The following SIGLEC9 variants were observed in gnomAD, a reference collection of about 807,000 sequenced individuals.
SIGLEC9 encodes the protein sialic acid-binding Ig-like lectin 9.
A neutral mutation model predicts 38.3 loss-of-function variants in SIGLEC9; 26 were observed. The observed-to-expected ratio is 0.68, with a 90% confidence interval of 0.50 to 0.94. SIGLEC9 has a LOEUF of 0.94. Ranked by LOEUF, SIGLEC9 falls within the 40% of genes least tolerant of loss-of-function variation. The probability of loss-of-function intolerance (pLI) is 0.00; values close to 1 mark genes in which losing one functional copy is unlikely to be tolerated. For missense variants in SIGLEC9, 556 were observed against 585.7 expected, an observed-to-expected ratio of 0.95 and a Z score of 0.52; for synonymous variants, 236 against 248.0, an observed-to-expected ratio of 0.95 and a Z score of 0.45.
chr19:51,124,098 A>G (rs1188428471), upstream of SIGLEC9, among the ~76,000 whole-genome samples: 1 of 151,814 alleles, frequency 6.6e-6, no homozygotes, highest in Non-Finnish European at 1.5e-5. Flanking sequence ...TGGTGAAGAA[A>G]CCCTTCGTGG....
chr19:51,128,005 C>T lies in SIGLEC9; in HGVS notation c.1072C>T (p.Leu358=), dbSNP rs1347250571. 6.2e-6 allele frequency: 10 copies of T among 1,614,068 alleles called. No individual in the cohort carries two copies. The highest frequency in any genetic ancestry group is 8.5e-6 in the Non-Finnish European group (10 of 1,179,920). ...GVVGGAGATA[L]VFLSFCVIFV... ...GGTCGGGGGAGCTGGAGCCACAGCC[C>T]TGGTCTTCCTGTCCTTCTGCGTCAT... is the stretch of plus-strand genomic sequence containing the variant. Residue 358 remains leucine (L), a synonymous_variant, in exon 5 of 7, where the codon CTG becomes TTG. Coordinates refer to ENST00000250360, the MANE Select transcript of SIGLEC9 (RefSeq NM_014441.3).
chr19:51,121,000 A>G (rs1178905911), upstream of SIGLEC9, among the ~76,000 whole-genome samples: 1 of 151,880 alleles, frequency 6.6e-6, no homozygotes, highest in Non-Finnish European at 1.5e-5. The surrounding 1 kb of genome is among the most constrained non-coding windows in gnomAD (Gnocchi z 4.1). Flanking sequence ...TGGCACCACC[A>G]TGTCCAGCTA....
chr19:51,125,884 T>C lies in SIGLEC9; in HGVS notation c.700+9T>C, dbSNP rs200321221. The C allele has an allele frequency of 3.7e-3, 6,005 of 1,614,008 alleles. 12 individuals carry two copies. The highest frequency in any genetic ancestry group is 4.7e-3 in the Non-Finnish European group (5,565 of 1,179,956). On this transcript the variant is annotated intron_variant, in intron 2 of 6. Coordinates refer to ENST00000250360, the MANE Select transcript of SIGLEC9 (RefSeq NM_014441.3). ...CCATCTCAACGTGTCCTGTGAGTGC[T>C]GGGCCGGGACGCCTGGGTCCCTGAT...
chr19:51,129,222 G>T (rs2091999825), intron 6 of SIGLEC9, among the ~76,000 whole-genome samples: 1 of 149,592 alleles, frequency 6.7e-6, no homozygotes, highest in South Asian at 2.1e-4. Flanking sequence ...GCAGTGGTGC[G>T]ATCTCTGCTC....
At chr19:51,121,873 C>A (rs545531762), upstream of SIGLEC9, among the ~76,000 whole-genome samples, 9 of 152,192 alleles carry the variant, frequency 5.9e-5, no homozygotes, top group Admixed American at 1.3e-4. Flanking sequence ...CAGATCTGAG[C>A]CGCCGCACCC....
At position 51,125,822 on chromosome 19, in the gene SIGLEC9, C is replaced by A; in HGVS notation, c.647C>A (p.Thr216Asn). ...DHGTSLTCQV[T>N]FPGASVTTNK... The stretch of plus-strand genomic sequence containing the variant: ...GGCACCAGCCTCACCTGTCAGGTGA[C>A]CTTCCCTGGGGCCAGCGTGACCACG... The change falls in exon 2 of 7, where the codon ACC becomes AAC. Residue 216 changes from threonine to asparagine, a missense_variant. Physicochemically the swap from Thr to Asn is moderately conservative, Grantham distance 65 (BLOSUM62 0). Transcript: ENST00000250360. The A allele has an allele frequency of 6.2e-7, 1 of 1,614,178 alleles. No homozygotes were observed. The highest frequency in any genetic ancestry group is 8.5e-7 in the Non-Finnish European group (1 of 1,180,024).
At chr19:51,123,255 G>T (rs60265195), upstream of SIGLEC9, among the ~76,000 whole-genome samples, 8 of 152,284 alleles carry the variant, frequency 5.3e-5, no homozygotes, top group Admixed American at 3.3e-4. Flanking sequence ...ATTGTTCCCC[G>T]AGTTCCAGGT....
At chr19:51,122,786 C>T (rs2091952541), upstream of SIGLEC9, 1 of 152,498 alleles carries the variant, frequency 6.6e-6, no homozygotes, top group Non-Finnish European at 1.5e-5. This position sits in a 1 kb window ranked among gnomAD's most constrained non-coding sequence, Gnocchi z 4.1. Context: ...GACAGCACCC[C>T]ACCTCCCAAC....
upstream of SIGLEC9, chr19:51,124,838 C>G (rs1568609908): frequency 4.4e-6 from 5 of 1,132,562 alleles, no homozygotes; most frequent in Non-Finnish European, 6.1e-6. Context: ...AAAGTTCCTC[C>G]TCTGAGGAGG....
At chr19:51,127,317 G>C (rs765517350) in intron 4 of SIGLEC9, 21 bp downstream of exon 4, 14 of 1,589,598 alleles carry the variant, frequency 8.8e-6, no homozygotes, top group South Asian at 1.1e-5. Context: ...CAGTATGCTG[G>C]GGAGGGGCTG....
Position 51,127,244 on chromosome 19 carries a change from A to G in SIGLEC9, c.963A>G (p.Arg321=). The G allele has an allele frequency of 6.2e-7, 1 of 1,614,118 alleles. No individual in the cohort carries two copies. Among genetic ancestry groups the G allele is most frequent in the East Asian group, 2.2e-5 (1 of 44,886 alleles). ...HLRDAAEFTC[R]AQNPLGSQQV... ...GGGATGCAGCTGAATTCACCTGCAG[A>G]GCTCAGAACCCTCTCGGCTCTCAGC... Residue 321 remains arginine, a synonymous_variant, in exon 4 of 7, where the codon AGA becomes AGG. Transcript: ENST00000250360.
upstream of SIGLEC9, among the ~76,000 whole-genome samples, chr19:51,121,443 C>T (rs2091949937): frequency 6.6e-6 from 1 of 152,114 alleles, no homozygotes; most frequent in Non-Finnish European, 1.5e-5. Context: ...TGCAGCACTT[C>T]CTCCAAATGT....
rs899289615 is a variant in SIGLEC9, at chr19:51,130,175, G to A, written c.*96G>A. On this transcript the variant is annotated 3_prime_UTR_variant, in exon 7 of 7. Transcript: ENST00000250360. ...TCTTGTAGAATTAACAGCCCTCAAC[G>A]TGATGAGCTATGATAACACTATGAA... The A allele has an allele frequency of 7.5e-5, 112 of 1,493,910 alleles. No individual in the cohort carries two copies. The highest frequency in any genetic ancestry group is 5.1e-4 in the East Asian group (22 of 42,814). 92.5% of individuals were successfully genotyped at this position (1,493,910 alleles called of 1,614,324 possible).
At chr19:51,133,418 CAAAAAAA>C (rs57292401), downstream of SIGLEC9, among the ~76,000 whole-genome samples, 6 of 132,190 alleles carry the variant, frequency 4.5e-5, no homozygotes, top group Admixed American at 7.6e-5. Flanking sequence ...ACCAAAAATA[CAAAAAAA>C]AAAAAAAAAA....
rs576545731 is a variant in SIGLEC9, at chr19:51,129,419, G to A, written c.1204-472G>A. Among the ~76,000 whole-genome samples, 33 of 151,962 alleles carry A rather than the reference G, an allele frequency of 2.2e-4. 1 individual carries two copies. The Middle Eastern group carries it at 0.01, about 47-fold the overall frequency. ...TGTGATCTGCCCACCTTGGCTTCCC[G>A]AAGTGCTGGGATTACAGGCGTGAGC... On this transcript the variant is annotated intron_variant, in intron 6 of 6. Transcript: ENST00000250360.
downstream of SIGLEC9, among the ~76,000 whole-genome samples, chr19:51,134,147 CTTTTTTTTTTT>C (rs71185802): frequency 1.2e-3 from 80 of 66,526 alleles, no homozygotes; most frequent in Non-Finnish European, 1.6e-3. Context: ...TCTTTCTTTT[CTTTTTTTTTTT>C]TTTTTTTTTT....
At chr19:51,131,992 T>C (rs1255063201), downstream of SIGLEC9, among the ~76,000 whole-genome samples, 3 of 152,138 alleles carry the variant, frequency 2.0e-5, no homozygotes, top group Non-Finnish European at 4.4e-5. Context: ...TGTTGATATT[T>C]GATGCCCAGT....
At chr19:51,130,778 C>T (rs1283618128), downstream of SIGLEC9, among the ~76,000 whole-genome samples, 1 of 152,192 alleles carries the variant, frequency 6.6e-6, no homozygotes, top group African/African-American at 2.4e-5. Context: ...ACATCCTCTT[C>T]GTGACATCAC....
chr19:51,125,519 T>C, intron 1 of SIGLEC9, 78 bp from the exon 2 acceptor site: 13 of 1,575,480 alleles, frequency 8.3e-6, no homozygotes, highest in Non-Finnish European at 1.0e-5. Context: ...GGGCAGGAGC[T>C]GGACCAGAGC....
Sources: allele counts gnomAD v4.1 joint callset (sites outside exome capture counted in the v4.1 genomes callset), GRCh38; gene constraint gnomAD v4.1.1; non-coding constraint Gnocchi (gnomAD v3.1); transcripts MANE v1.5; gene names NCBI Gene and HGNC (gene_info 2026-07-23, HGNC 2026-07-21).